Variants in CTNNA3 observed in about 807,000 individuals in gnomAD.
The protein encoded by CTNNA3 is catenin alpha-3.
In CTNNA3, 76 loss-of-function variants were observed where a neutral mutation model predicts 95.7. That is an observed-to-expected ratio of 0.79 (90% CI 0.66 to 0.96). CTNNA3 has a LOEUF of 0.96. Ranked by LOEUF, CTNNA3 falls within the 40% of genes least tolerant of loss-of-function variation. The pLI is 0.00. For missense variants in CTNNA3, 1,191 were observed against 1,089.8 expected, an observed-to-expected ratio of 1.09 and a Z score of -1.31; for synonymous variants, 431 against 374.4, an observed-to-expected ratio of 1.15 and a Z score of -1.74.
At chr10:66,753,499 C>A (rs145120430) in intron 9 of CTNNA3, among the ~76,000 whole-genome samples, 1 of 151,702 alleles carries the variant, frequency 6.6e-6, no homozygotes, top group Non-Finnish European at 1.5e-5. Flanking sequence ...CCTGTCTCTA[C>A]GAAAAACACA....
At chr10:67,255,290 C>T (rs1271896374) in intron 5 of CTNNA3, among the ~76,000 whole-genome samples, 1 of 151,610 alleles carries the variant, frequency 6.6e-6, no homozygotes, top group Non-Finnish European at 1.5e-5. Flanking sequence ...AGCAAAACTC[C>T]ATCTCAAAAA....
At chr10:66,339,852 A>G (rs1056567195) in intron 12 of CTNNA3, among the ~76,000 whole-genome samples, 2 of 151,702 alleles carry the variant, frequency 1.3e-5, no homozygotes, top group Non-Finnish European at 3.0e-5. Context: ...TCAATAATTG[A>G]ATTCTTTATT....
intron 10 of CTNNA3, among the ~76,000 whole-genome samples, chr10:66,581,633 G>A (rs952999119): frequency 6.6e-6 from 1 of 151,470 alleles, no homozygotes; most frequent in Non-Finnish European, 1.5e-5. Flanking sequence ...ATTTTGCTGT[G>A]AAGAAGCTTT....
chr10:66,661,359 T>C (rs1178605395), intron 9 of CTNNA3, among the ~76,000 whole-genome samples: 7 of 152,094 alleles, frequency 4.6e-5, no homozygotes, highest in Admixed American at 2.0e-4. Flanking sequence ...TCGGTTCTTG[T>C]GAGACTGATT....
intron 13 of CTNNA3, among the ~76,000 whole-genome samples, chr10:66,121,167 T>C (rs2082556590): frequency 6.6e-6 from 1 of 152,194 alleles, no homozygotes; most frequent in African/African-American, 2.4e-5. Context: ...TTTGAGAGAC[T>C]AAGTACAACA....
intron 7 of CTNNA3, among the ~76,000 whole-genome samples, chr10:66,908,493 C>T (rs61866197): frequency 6.6e-6 from 1 of 152,212 alleles, no homozygotes; most frequent in South Asian, 2.1e-4. Flanking sequence ...ACCAAAGACA[C>T]TATGAAGTGG....
intron 7 of CTNNA3, among the ~76,000 whole-genome samples, chr10:66,997,237 T>C (rs1424370698): frequency 2.6e-5 from 4 of 152,160 alleles, no homozygotes; most frequent in African/African-American, 7.2e-5. Context: ...ACATATCCTA[T>C]TCATAGGCAG....
chr10:66,444,783 C>A (rs1026635687), intron 11 of CTNNA3, among the ~76,000 whole-genome samples: 35 of 152,098 alleles, frequency 2.3e-4, no homozygotes, highest in African/African-American at 2.2e-4. Flanking sequence ...GCAAAATAAC[C>A]AGCTAACATC....
intron 9 of CTNNA3, among the ~76,000 whole-genome samples, chr10:66,698,690 C>G (rs1287159903): frequency 6.6e-6 from 1 of 152,138 alleles, no homozygotes; most frequent in Non-Finnish European, 1.5e-5. Flanking sequence ...TAATAAATAG[C>G]TCTGTACTGA....
chr10:66,417,130 G>T (rs4746579), intron 11 of CTNNA3, among the ~76,000 whole-genome samples: 57,973 of 151,702 alleles, frequency 0.38, 11,616 homozygotes, highest in African/African-American at 0.5. Context: ...CCAACTACAT[G>T]CCACCTACAA....
intron 13 of CTNNA3, among the ~76,000 whole-genome samples, chr10:66,199,793 AT>A (rs2087239640): frequency 1.4e-4 from 2 of 14,014 alleles, no homozygotes; most frequent in African/African-American, 5.6e-4. Context: ...ATATATATAT[AT>A]ATATATATAT....
intron 2 of CTNNA3, among the ~76,000 whole-genome samples, chr10:67,628,485 A>T (rs1194527512): frequency 6.6e-6 from 1 of 152,148 alleles, no homozygotes; most frequent in Non-Finnish European, 1.5e-5. Context: ...TCAACCTTCA[A>T]ATTCTAAAGT....
chr10:66,021,852 C>CTTTTTTTTTTTTTTTTTTT (rs34671813), intron 15 of CTNNA3, among the ~76,000 whole-genome samples: 1,044 of 75,804 alleles, frequency 0.014, 263 homozygotes, highest in Non-Finnish European at 0.019. Flanking sequence ...AGGATCTTGG[C>CTTTTTTTTTTTTTTTTTTT]TTTTTTTTTT....
chr10:66,170,091 T>A (rs1411153407), intron 13 of CTNNA3, among the ~76,000 whole-genome samples: 1 of 152,130 alleles, frequency 6.6e-6, no homozygotes, highest in Non-Finnish European at 1.5e-5. Context: ...ATGAAATCTT[T>A]GCCCAAGCCA....
In CTNNA3 at chr10:66,115,571, CAGAT is replaced by C. The variant is rs1263500071; in HGVS notation, c.1885-12326_1885-12323del. ...ATAGATAGATAGATAGATAGATAGA[CAGAT>C]AGATGATAGATAGATAGAGATAGAG... On this transcript the variant is annotated intron_variant, in intron 13 of 17. Coordinates refer to ENST00000433211, the MANE Select transcript of CTNNA3 (RefSeq NM_013266.4). Among the ~76,000 whole-genome samples, 845 of 89,160 alleles carry C rather than the reference CAGAT, an allele frequency of 9.5e-3. 4 individuals are homozygous for C. The highest frequency in any genetic ancestry group is 0.014 in the Admixed American group (109 of 7,604). 58.5% of individuals were successfully genotyped at this position (89,160 alleles called of 152,430 possible). A position where few individuals can be genotyped will look rare whatever the true frequency, so the allele number is the denominator to read the frequency against.
chr10:66,419,498 T>G (rs1463225248), intron 11 of CTNNA3, among the ~76,000 whole-genome samples: 1 of 152,098 alleles, frequency 6.6e-6, no homozygotes, highest in African/African-American at 2.4e-5. Flanking sequence ...GCAATCCCTA[T>G]GAAGACACTA....
chr10:67,058,284 T>C (rs1855558627), intron 7 of CTNNA3, among the ~76,000 whole-genome samples: 1 of 152,250 alleles, frequency 6.6e-6, no homozygotes, highest in South Asian at 2.1e-4. Context: ...GGTCTTAGTC[T>C]ATCACATCAT....
chr10:66,694,235 A>T (rs1415309803), intron 9 of CTNNA3, among the ~76,000 whole-genome samples: 4 of 152,110 alleles, frequency 2.6e-5, no homozygotes, highest in Non-Finnish European at 5.9e-5. Context: ...AAAGAAGAAA[A>T]GAGAGAAGAA....
At chr10:67,135,710 T>C (rs1012928195) in intron 7 of CTNNA3, among the ~76,000 whole-genome samples, 1 of 151,936 alleles carries the variant, frequency 6.6e-6, no homozygotes, top group Non-Finnish European at 1.5e-5. Flanking sequence ...TGGATGTACA[T>C]GTTTTGGAAG....
Sources: allele counts gnomAD v4.1 joint callset (sites outside exome capture counted in the v4.1 genomes callset), GRCh38; gene constraint gnomAD v4.1.1; transcripts MANE v1.5; gene names NCBI Gene and HGNC (gene_info 2026-07-23, HGNC 2026-07-21).